Variants in TMC6 observed in about 807,000 individuals in gnomAD.
The protein encoded by TMC6 is transmembrane channel-like protein 6.
A neutral mutation model predicts 95.4 loss-of-function variants in TMC6; 71 were observed. The ratio of observed to expected loss-of-function variants is 0.74; its 90% CI spans 0.61 to 0.91. The LOEUF (loss-of-function observed/expected upper bound fraction) is 0.91, where lower values mean the gene tolerates loss of function less well. Among genes scored for constraint, TMC6 ranks in the 40% least tolerant of loss-of-function variants. The probability of loss-of-function intolerance (pLI) is 0.00; values close to 1 mark genes in which losing one functional copy is unlikely to be tolerated. For missense variants in TMC6, 1,074 were observed against 1,079.1 expected (o/e 1.00, Z 0.07); for synonymous variants, 514 against 483.1 (o/e 1.06, Z -0.84).
rs1409990992 is a variant in TMC6 at position 78,109,068 on chromosome 17, T to C, written c.*4080A>G. 2 of 217,654 alleles carry C rather than the reference T, an allele frequency of 9.2e-6. No homozygotes were observed. The highest frequency in any genetic ancestry group is 1.9e-5 in the Non-Finnish European group (2 of 106,682). The allele number at this position is 217,654 out of a possible 1,614,324, so 13.5% of individuals were successfully genotyped here. ...GGTCTCACCATGTTGCCCAGGCTGA[T>C]CTCGAACTGCTGGGAATACAGGCAT... On this transcript the variant is annotated 3_prime_UTR_variant, in exon 20 of 20. Coordinates refer to ENST00000590602, the MANE Select transcript of TMC6 (RefSeq NM_001127198.5).
rs2074835975 is a variant in TMC6 at position 78,128,230 on chromosome 17, G to A, written c.-75+382C>T. ...CCCGGGAGCAGCCGCTACCCAGGGAGAACCGCAACCTGGCCCCAGAGCCCA... is the reference window on the plus strand; with the variant it reads ...CCCGGGAGCAGCCGCTACCCAGGGAAAACCGCAACCTGGCCCCAGAGCCCA... On this transcript the variant is annotated intron_variant, in intron 1 of 19. Coordinates refer to ENST00000590602, the MANE Select transcript of TMC6 (RefSeq NM_001127198.5). The surrounding 1 kb of genome is among the most constrained non-coding windows in gnomAD (Gnocchi z 4.0). Among the ~76,000 whole-genome samples the A allele has an allele frequency of 6.6e-6, 1 of 152,086 alleles. No individual in the cohort carries two copies. Among genetic ancestry groups the A allele is most frequent in the South Asian group, 2.1e-4 (1 of 4,826 alleles).
chr17:78,116,804 C>A (rs923669924), intron 18 of TMC6, among the ~76,000 whole-genome samples: 2 of 152,182 alleles, frequency 1.3e-5, no homozygotes, highest in African/African-American at 2.4e-5. Context: ...TGCTTGAACC[C>A]AGGAGGCAGA....
At chr17:78,117,412 G>A (rs975415634) in intron 17 of TMC6, 56 bp downstream of exon 17, 41 of 1,611,628 alleles carry the variant, frequency 2.5e-5, no homozygotes, top group Middle Eastern at 1.8e-4. Context: ...GTCCCCACAC[G>A]GTGCAGGCCC....
rs771251537 is a variant in TMC6 at position 78,125,771 on chromosome 17, G to C, written c.385C>G (p.Arg129Gly). 58 of 1,567,272 alleles carry C rather than the reference G, an allele frequency of 3.7e-5. No individual in the cohort carries two copies. The highest frequency in any genetic ancestry group is 4.9e-5 in the Non-Finnish European group (57 of 1,156,430). The change falls in exon 5 of 20, where the codon CGC becomes GGC. Residue 129 changes from arginine (R) to glycine (G), a missense_variant. Transcript: ENST00000590602. Reference protein sequence around the residue: ...NFVRSAWPSLRLYDLELDPTA... With the variant: ...NFVRSAWPSLGLYDLELDPTA... ...GGGTCCAGCTCCAGGTCGTACAGGC[G>C]GAGGCTGGGCCAGGCGGAGCGGACA...
chr17:78,131,602 G>C (rs771683931), upstream of TMC6: 30 of 1,547,196 alleles, frequency 1.9e-5, no homozygotes, highest in Non-Finnish European at 2.4e-5. Flanking sequence ...CTGCTGCCGC[G>C]GTCGGTGTCA....
upstream of TMC6, chr17:78,131,394 C>T (rs777529104): frequency 9.8e-6 from 7 of 716,746 alleles, no homozygotes; most frequent in Admixed American, 5.4e-5. Flanking sequence ...GGTGGCAGAG[C>T]GGCAGACCCG....
intron 13 of TMC6, chr17:78,120,202 C>T (rs942844633): frequency 2.2e-4 from 71 of 326,054 alleles, no homozygotes; most frequent in South Asian, 1.6e-3. Flanking sequence ...CTCTGTCGCC[C>T]GGGCTGGAGT....
intron 4 of TMC6, 147 bp downstream of exon 4, chr17:78,126,130 T>C (rs1179302236): frequency 8.1e-7 from 1 of 1,240,058 alleles, no homozygotes; most frequent in South Asian, 1.5e-5. Context: ...GCAGATGGGA[T>C]GGGCTAGGAG....
Position 78,111,137 on chromosome 17 carries a change from G to A in TMC6, c.*2011C>T, listed in dbSNP as rs945709197. The A allele has an allele frequency of 6.6e-6, 1 of 152,304 alleles. No homozygotes were observed. The highest frequency in any genetic ancestry group is 1.5e-5 in the Non-Finnish European group (1 of 68,074). The allele number at this position is 152,304 out of a possible 1,614,324, so 9.4% of individuals were successfully genotyped here. A position where few individuals can be genotyped will look rare whatever the true frequency, so the allele number is the denominator to read the frequency against. ...GGATGATCTTTAGGTGAAATCGACT[G>A]TAGGTGTTCACCACATTCCAGCAGC... On this transcript the variant is annotated 3_prime_UTR_variant, in exon 20 of 20. Coordinates refer to ENST00000590602, the MANE Select transcript of TMC6 (RefSeq NM_001127198.5).
intron 1 of TMC6, among the ~76,000 whole-genome samples, chr17:78,127,486 C>T (rs2074781366): frequency 6.6e-6 from 1 of 152,244 alleles, no homozygotes; most frequent in African/African-American, 2.4e-5. Flanking sequence ...GACCCACTGC[C>T]CTGCATTCCA....
upstream of TMC6, chr17:78,131,227 CCTGTGCCGGTCCAGACTTT>C: frequency 2.5e-6 from 1 of 397,396 alleles, no homozygotes; most frequent in Non-Finnish European, 4.7e-6. Context: ...GCTTTCTTTG[CCTGTGCCGGTCCAGACTTT>C]CTGTGCCCTT....
chr17:78,109,053 TGTTGCCCA>T lies in TMC6; in HGVS notation c.*4087_*4094del, dbSNP rs1430985420. On this transcript the variant is annotated 3_prime_UTR_variant, in exon 20 of 20. Coordinates refer to ENST00000590602, the MANE Select transcript of TMC6 (RefSeq NM_001127198.5). Reference sequence around the variant, plus strand: ...TTTTTGTAGAGATAGGGTCTCACCATGTTGCCCAGGCTGATCTCGAACTGCTGGGAATA... The same window carrying T: ...TTTTTGTAGAGATAGGGTCTCACCATGGCTGATCTCGAACTGCTGGGAATA... 5.1e-6 allele frequency: 1 copy of T among 194,856 alleles called. No individual in the cohort carries two copies. The highest frequency in any genetic ancestry group is 1.4e-4 in the East Asian group (1 of 7,112). The allele number at this position is 194,856 out of a possible 1,614,324, so 12.1% of individuals were successfully genotyped here. A position where few individuals can be genotyped will look rare whatever the true frequency, so the allele number is the denominator to read the frequency against.
chr17:78,114,303 A>C (rs954870737), intron 18 of TMC6, among the ~76,000 whole-genome samples: 13 of 151,310 alleles, frequency 8.6e-5, no homozygotes, highest in African/African-American at 3.2e-4. Flanking sequence ...TCTGTTTTTC[A>C]CCTCTAAGGA....
chr17:78,117,759 C>A (rs949637269), intron 16 of TMC6, 43 bp downstream of exon 16: 1 of 1,592,738 alleles, frequency 6.3e-7, no homozygotes, highest in South Asian at 1.1e-5. Context: ...CCACCCAACC[C>A]CCAGATGACA....
chr17:78,119,941 C>A lies in TMC6; in HGVS notation c.1716-549G>T, dbSNP rs914666031. ...GGGATTACAGGCGTGAGCCACCACA[C>A]CGGGCCTCCTACTGATTTTTTTAAT... On this transcript the variant is annotated intron_variant, in intron 13 of 19. Coordinates refer to ENST00000590602, the MANE Select transcript of TMC6 (RefSeq NM_001127198.5). 2.9e-5 allele frequency: 10 copies of A among 345,340 alleles called. No individual in the cohort carries two copies. The East Asian group carries it at 8.2e-4, about 28-fold the overall frequency. The allele number at this position is 345,340 out of a possible 1,614,324, so 21.4% of individuals were successfully genotyped here.
At position 78,121,833 on chromosome 17, in the gene TMC6, G is replaced by A; in HGVS notation, c.1228-122C>T. On this transcript the variant is annotated intron_variant, in intron 10 of 19. Coordinates refer to ENST00000590602, the MANE Select transcript of TMC6 (RefSeq NM_001127198.5). The surrounding 1 kb of genome is among the most constrained non-coding windows in gnomAD (Gnocchi z 5.6). ...CCAGGAGGCTTGAACCAGGACAGAG[G>A]GCCAGTTCCCCATGCCCCACCTGCC... 7.6e-7 allele frequency: 1 copy of A among 1,310,128 alleles called. No individual in the cohort carries two copies. Among genetic ancestry groups the A allele is most frequent in the Non-Finnish European group, 1.0e-6 (1 of 973,552 alleles). 81.2% of individuals were successfully genotyped at this position (1,310,128 alleles called of 1,614,324 possible).
At chr17:78,113,875 A>G (rs1460962352) in intron 18 of TMC6, 1 of 515,232 alleles carries the variant, frequency 1.9e-6, no homozygotes, top group Non-Finnish European at 3.5e-6. Flanking sequence ...TCAGCAGCCC[A>G]GAGCCAGCCT....
chr17:78,118,168 G>C (rs1375769447), intron 15 of TMC6: 2 of 653,814 alleles, frequency 3.1e-6, no homozygotes, highest in Non-Finnish European at 5.2e-6. Context: ...GCCATGCCAG[G>C]CTCTGCACAC....
Position 78,121,296 on chromosome 17 carries a change from T to C in TMC6, c.1384-132A>G. On this transcript the variant is annotated intron_variant, in intron 11 of 19. Transcript: ENST00000590602. The surrounding 1 kb of genome is among the most constrained non-coding windows in gnomAD (Gnocchi z 5.6). ...TCCAAGATCTGGCCCTCCCCAGGCC[T>C]CAAGTTCAAACCACACAGGAAGCAG... 6.9e-7 allele frequency: 1 copy of C among 1,450,574 alleles called. No individual in the cohort carries two copies. The highest frequency in any genetic ancestry group is 9.3e-7 in the Non-Finnish European group (1 of 1,073,670). 89.9% of individuals were successfully genotyped at this position (1,450,574 alleles called of 1,614,324 possible).
Sources: allele counts gnomAD v4.1 joint callset (sites outside exome capture counted in the v4.1 genomes callset), GRCh38; gene constraint gnomAD v4.1.1; non-coding constraint Gnocchi (gnomAD v3.1); transcripts MANE v1.5; gene names NCBI Gene and HGNC (gene_info 2026-07-23, HGNC 2026-07-21).